Variants in ESRRB observed in about 807,000 individuals in gnomAD.
ESRRB encodes the protein steroid hormone receptor ERR2.
In ESRRB, 16 loss-of-function variants were observed where a neutral mutation model predicts 46.0. The ratio of observed to expected loss-of-function variants is 0.35; its 90% CI spans 0.24 to 0.53. The LOEUF (loss-of-function observed/expected upper bound fraction) is 0.53. Ranked by LOEUF, ESRRB falls within the 20% of genes least tolerant of loss-of-function variation. The pLI is 0.93. For synonymous variants in ESRRB, 246 were observed against 259.6 expected (o/e 0.95, Z 0.50); for missense variants, 488 against 607.4 (o/e 0.80, Z 2.07).
At chr14:76,400,702 C>G (rs796412065) in intron 1 of ESRRB, among the ~76,000 whole-genome samples, 125 of 152,292 alleles carry the variant, frequency 8.2e-4, no homozygotes, top group African/African-American at 2.8e-3. Flanking sequence ...TAGCTGTCCT[C>G]AAGCTGGGCC....
chr14:76,469,944 C>CTTTTTTTTTTTTTTTTTTTTTT (rs1178018542), intron 3 of ESRRB, among the ~76,000 whole-genome samples: 24 of 73,068 alleles, frequency 3.3e-4, no homozygotes, highest in Admixed American at 6.4e-4. Flanking sequence ...TTTTTTTTTT[C>CTTTTTTTTTTTTTTTTTTTTTT]TTTTTTTTTT....
At chr14:76,386,910 G>A (rs1460618998) in intron 1 of ESRRB, among the ~76,000 whole-genome samples, 1 of 152,210 alleles carries the variant, frequency 6.6e-6, no homozygotes, top group Non-Finnish European at 1.5e-5. Flanking sequence ...AACAGGGTAA[G>A]TCAAGTCTTT....
At chr14:76,339,812 C>T (rs192473599) in intron 1 of ESRRB, among the ~76,000 whole-genome samples, 36 of 152,276 alleles carry the variant, frequency 2.4e-4, no homozygotes, top group Admixed American at 2.2e-3. Context: ...AAGGCTATGC[C>T]GCGTGCCCCG....
intron 1 of ESRRB, among the ~76,000 whole-genome samples, chr14:76,404,819 G>A (rs777809942): frequency 7.9e-5 from 12 of 152,108 alleles, no homozygotes; most frequent in Non-Finnish European, 1.5e-4. Flanking sequence ...AATAGGGCAC[G>A]GTAATCAGAT....
At chr14:76,336,912 C>T (rs1180640112) in intron 1 of ESRRB, among the ~76,000 whole-genome samples, 1 of 152,116 alleles carries the variant, frequency 6.6e-6, no homozygotes, top group African/African-American at 2.4e-5. Context: ...GTGTATTAAA[C>T]AGGCAAGTGC....
upstream of ESRRB, among the ~76,000 whole-genome samples, chr14:76,375,225 T>C (rs893477291): frequency 4.7e-4 from 71 of 151,884 alleles, no homozygotes; most frequent in Non-Finnish European, 7.2e-4. Flanking sequence ...TCTCAAAAGA[T>C]GAAAAACCCA....
intron 1 of ESRRB, among the ~76,000 whole-genome samples, chr14:76,343,747 G>A (rs1884218113): frequency 6.6e-6 from 1 of 152,220 alleles, no homozygotes; most frequent in Admixed American, 6.5e-5. Flanking sequence ...TGGAAATTAT[G>A]CATCATCGTT....
intron 5 of ESRRB, among the ~76,000 whole-genome samples, chr14:76,486,250 G>A (rs1890013090): frequency 6.6e-6 from 1 of 152,134 alleles, no homozygotes; most frequent in Admixed American, 6.5e-5. Flanking sequence ...GCCTCCCTCG[G>A]CAGCCTCATG....
At chr14:76,402,799 G>A (rs1001703882) in intron 1 of ESRRB, among the ~76,000 whole-genome samples, 1 of 152,068 alleles carries the variant, frequency 6.6e-6, no homozygotes, top group African/African-American at 2.4e-5. Context: ...CTCCTAAGTA[G>A]CTGGGACTAC....
intron 6 of ESRRB, among the ~76,000 whole-genome samples, chr14:76,495,075 C>T (rs1028021150): frequency 2.1e-5 from 3 of 144,102 alleles, no homozygotes; most frequent in African/African-American, 7.6e-5. Flanking sequence ...CATACACACC[C>T]ACACATACAC....
At chr14:76,440,773 T>G (rs1887891405) in intron 2 of ESRRB, among the ~76,000 whole-genome samples, 3 of 151,896 alleles carry the variant, frequency 2.0e-5, no homozygotes, top group African/African-American at 7.3e-5. Flanking sequence ...GCACACTGGC[T>G]TAAGTCTGTA....
In ESRRB at chr14:76,491,462, C is replaced by T; in HGVS notation, c.866C>T (p.Ser289Phe). Residue 289 changes from serine to phenylalanine, a missense_variant, in exon 6 of 7, where the codon TCC (serine) becomes TTC (phenylalanine). Transcript: ENST00000644823. Reference sequence around the variant, plus strand: ...CTTCCTGCAGGCTTCTCAAGCCTCTCCCTGGGGGACCAGATGAGCCTGCTG... The same window carrying T: ...CTTCCTGCAGGCTTCTCAAGCCTCTTCCTGGGGGACCAGATGAGCCTGCTG... ...AKHIPGFSSL[S>F]LGDQMSLLQS... 1 of 1,608,636 alleles carries T rather than the reference C, an allele frequency of 6.2e-7. No individual in the cohort carries two copies. Among genetic ancestry groups the T allele is most frequent in the East Asian group, 2.2e-5 (1 of 44,716 alleles).
chr14:76,323,757 T>A (rs1045954958), intron 1 of ESRRB, among the ~76,000 whole-genome samples: 6 of 152,134 alleles, frequency 3.9e-5, no homozygotes, highest in Non-Finnish European at 7.4e-5. Flanking sequence ...GTGGGATCTG[T>A]CAACTTCCCG....
chr14:76,340,599 G>A (rs570502387), intron 1 of ESRRB, among the ~76,000 whole-genome samples: 26 of 152,306 alleles, frequency 1.7e-4, no homozygotes, highest in South Asian at 4.1e-4. Context: ...AGGAATGTGC[G>A]TTCTCCCCAT....
upstream of ESRRB, among the ~76,000 whole-genome samples, chr14:76,370,886 T>G (rs1884607192): frequency 6.6e-6 from 1 of 152,204 alleles, no homozygotes; most frequent in South Asian, 2.1e-4. Context: ...AGAACTTTAA[T>G]ATATCAATCA....
intron 2 of ESRRB, among the ~76,000 whole-genome samples, chr14:76,445,390 G>A (rs1888092274): frequency 7.0e-6 from 1 of 142,662 alleles, no homozygotes; most frequent in Non-Finnish European, 1.5e-5. Context: ...AGAATTGCTT[G>A]AACCCGGGAG....
At chr14:76,354,706 C>A (rs1414244253) in intron 1 of ESRRB, among the ~76,000 whole-genome samples, 1 of 111,442 alleles carries the variant, frequency 9.0e-6, no homozygotes. Flanking sequence ...AGGTCCTGGG[C>A]TTTTTTTTTT....
At chr14:76,474,681 A>G (rs1035091116) in intron 3 of ESRRB, among the ~76,000 whole-genome samples, 1 of 152,138 alleles carries the variant, frequency 6.6e-6, no homozygotes, top group African/African-American at 2.4e-5. Context: ...TCTCTACAAA[A>G]TATACAAAAA....
At chr14:76,340,024 G>A (rs372528889) in intron 1 of ESRRB, among the ~76,000 whole-genome samples, 5 of 152,196 alleles carry the variant, frequency 3.3e-5, no homozygotes, top group East Asian at 3.9e-4. Context: ...GTTCCATCTC[G>A]GGGCAGGCGG....
Sources: allele counts gnomAD v4.1 joint callset (sites outside exome capture counted in the v4.1 genomes callset), GRCh38; gene constraint gnomAD v4.1.1; transcripts MANE v1.5; gene names NCBI Gene and HGNC (gene_info 2026-07-23, HGNC 2026-07-21).